KCNMB4: variants seen among roughly 807,000 people sequenced by gnomAD.
KCNMB4 encodes the protein calcium-activated potassium channel subunit beta-4.
In KCNMB4, 3 loss-of-function variants were observed where a neutral mutation model predicts 20.7. That is an observed-to-expected ratio of 0.14 (90% CI 0.07 to 0.37). KCNMB4 has a LOEUF of 0.37. Among genes scored for constraint, KCNMB4 ranks in the 10% least tolerant of loss-of-function variants. The pLI, the probability that KCNMB4 is intolerant of heterozygous loss-of-function variation, is 1.00. For missense variants in KCNMB4, 168 were observed against 265.9 expected, an observed-to-expected ratio of 0.63 and a Z score of 2.56; for synonymous variants, 110 against 113.4, an observed-to-expected ratio of 0.97 and a Z score of 0.19.
At chr12:70,405,822 G>C (rs1428600488) in intron 2 of KCNMB4, among the ~76,000 whole-genome samples, 3 of 152,148 alleles carry the variant, frequency 2.0e-5, no homozygotes, top group Admixed American at 6.5e-5. Context: ...CTCAGCTAGG[G>C]GAGGCTGAGG....
intron 1 of KCNMB4, among the ~76,000 whole-genome samples, chr12:70,380,476 T>A (rs1306738876): frequency 6.6e-6 from 1 of 152,284 alleles, no homozygotes; most frequent in East Asian, 1.9e-4. Context: ...GCCAATGGAC[T>A]TGTTCTCAGG....
chr12:70,429,018 A>G (rs1211847396), intron 2 of KCNMB4, among the ~76,000 whole-genome samples: 1 of 152,238 alleles, frequency 6.6e-6, no homozygotes, highest in African/African-American at 2.4e-5. Context: ...AAAGGAAAAA[A>G]TGCAAGGATT....
intron 1 of KCNMB4, among the ~76,000 whole-genome samples, chr12:70,385,957 T>C (rs1181462381): frequency 6.6e-6 from 1 of 152,192 alleles, no homozygotes; most frequent in African/African-American, 2.4e-5. Flanking sequence ...TACTTTGAAC[T>C]ATGCCAGAGA....
At chr12:70,387,479 T>G (rs1162073178) in intron 1 of KCNMB4, among the ~76,000 whole-genome samples, 1 of 150,716 alleles carries the variant, frequency 6.6e-6, no homozygotes, top group African/African-American at 2.4e-5. Flanking sequence ...CTTGGCTCAC[T>G]GCAACCTCCT....
At chr12:70,423,170 C>T (rs1468775654) in intron 2 of KCNMB4, among the ~76,000 whole-genome samples, 1 of 152,156 alleles carries the variant, frequency 6.6e-6, no homozygotes, top group Admixed American at 6.5e-5. Flanking sequence ...TCCAAAATAA[C>T]ATACCTGCCA....
chr12:70,376,137 C>T (rs1423683773), intron 1 of KCNMB4, among the ~76,000 whole-genome samples: 1 of 126,772 alleles, frequency 7.9e-6, no homozygotes, highest in Non-Finnish European at 1.6e-5. Context: ...CAAAATTTAA[C>T]AATCCTTTCA....
chr12:70,392,815 C>T (rs1317948397), intron 1 of KCNMB4, among the ~76,000 whole-genome samples: 2 of 152,118 alleles, frequency 1.3e-5, no homozygotes, highest in Non-Finnish European at 2.9e-5. Context: ...GGCAACATCA[C>T]ACACTGGGGC....
intron 1 of KCNMB4, among the ~76,000 whole-genome samples, chr12:70,381,201 C>A (rs1256709202): frequency 6.6e-6 from 1 of 151,784 alleles, no homozygotes; most frequent in Non-Finnish European, 1.5e-5. Flanking sequence ...CAATGAAATA[C>A]CACTTCAGAT....
chr12:70,404,635 G>C (rs780089129), intron 2 of KCNMB4, among the ~76,000 whole-genome samples: 4 of 152,180 alleles, frequency 2.6e-5, no homozygotes, highest in Non-Finnish European at 5.9e-5. Context: ...GGTGAAAGTA[G>C]CAACAAGGAT....
chr12:70,396,114 C>A (rs1369930488), intron 1 of KCNMB4, among the ~76,000 whole-genome samples: 1 of 152,144 alleles, frequency 6.6e-6, no homozygotes, highest in Non-Finnish European at 1.5e-5. Context: ...TACATCAATT[C>A]CATTCCAATA....
intron 1 of KCNMB4, among the ~76,000 whole-genome samples, chr12:70,383,143 A>G (rs1207921642): frequency 6.6e-6 from 1 of 152,248 alleles, no homozygotes; most frequent in African/African-American, 2.4e-5. Context: ...TATTCAGCAC[A>G]GGACTGTACT....
intron 1 of KCNMB4, among the ~76,000 whole-genome samples, chr12:70,391,017 G>A (rs1868294638): frequency 6.6e-6 from 1 of 152,164 alleles, no homozygotes; most frequent in African/African-American, 2.4e-5. Flanking sequence ...AGGACTTGAG[G>A]TTCTACCACA....
intron 2 of KCNMB4, among the ~76,000 whole-genome samples, chr12:70,404,371 G>C (rs917000386): frequency 1.3e-5 from 2 of 152,148 alleles, no homozygotes; most frequent in Non-Finnish European, 2.9e-5. Flanking sequence ...AGAGTACTGA[G>C]TGAAAAACAT....
At chr12:70,407,460 CT>C (rs35371839) in intron 2 of KCNMB4, among the ~76,000 whole-genome samples, 108 of 64,160 alleles carry the variant, frequency 1.7e-3, no homozygotes, top group African/African-American at 5.2e-3. Flanking sequence ...GTGCTGAATT[CT>C]TTTTTTTTTT....
intron 1 of KCNMB4, among the ~76,000 whole-genome samples, chr12:70,372,488 C>T (rs1883615622): frequency 6.6e-6 from 1 of 152,112 alleles, no homozygotes. Context: ...TGGCTTAGAT[C>T]AGTGGGTAGC....
At chr12:70,388,226 G>C (rs1208543350) in intron 1 of KCNMB4, among the ~76,000 whole-genome samples, 1 of 152,074 alleles carries the variant, frequency 6.6e-6, no homozygotes, top group East Asian at 1.9e-4. Flanking sequence ...CCATTCATCT[G>C]TTGATGGACA....
At chr12:70,375,963 C>A (rs1229075874) in intron 1 of KCNMB4, among the ~76,000 whole-genome samples, 2 of 152,018 alleles carry the variant, frequency 1.3e-5, no homozygotes, top group East Asian at 3.9e-4. Flanking sequence ...GTTCCCCCTT[C>A]TGTTTTTTTG....
intron 2 of KCNMB4, among the ~76,000 whole-genome samples, chr12:70,414,758 G>A (rs1014202156): frequency 3.9e-5 from 6 of 152,132 alleles, no homozygotes; most frequent in African/African-American, 1.4e-4. Context: ...ATTAAAGCAG[G>A]TTCCCTCCAT....
intron 1 of KCNMB4, among the ~76,000 whole-genome samples, chr12:70,367,980 T>C (rs1359338793): frequency 6.6e-6 from 1 of 152,138 alleles, no homozygotes; most frequent in Non-Finnish European, 1.5e-5. Context: ...TAAAAAGCAG[T>C]GTCCTTAGCC....
Sources: gnomAD v4.1 joint callset for allele counts (sites outside exome capture counted in the v4.1 genomes callset) on GRCh38, gnomAD v4.1.1 for gene constraint, MANE v1.5 for transcripts, NCBI Gene and HGNC (gene_info 2026-07-23, HGNC 2026-07-21) for gene names.